The following GRID2IP variants were observed in gnomAD, a reference collection of about 807,000 sequenced individuals.
GRID2IP encodes the protein delphilin.
Under a neutral mutation model 114.3 loss-of-function variants are expected in GRID2IP, and 78 were observed. That is an observed-to-expected ratio of 0.68 (90% CI 0.57 to 0.82). The LOEUF is 0.82. Among genes scored for constraint, GRID2IP ranks in the 40% least tolerant of loss-of-function variants. The pLI, the probability that GRID2IP is intolerant of heterozygous loss-of-function variation, is 0.00. For missense variants in GRID2IP, 1,727 were observed against 1,678.5 expected, an observed-to-expected ratio of 1.03 and a Z score of -0.51; for synonymous variants, 809 against 724.0, an observed-to-expected ratio of 1.12 and a Z score of -1.89.
At chr7:6,543,953 C>G (rs578057182) in intron 1 of GRID2IP, among the ~76,000 whole-genome samples, 3 of 151,960 alleles carry the variant, frequency 2.0e-5, no homozygotes, top group African/African-American at 7.3e-5. Flanking sequence ...AATGCCACCA[C>G]GCCCGGCTCA....
In GRID2IP at chr7:6,507,240, CCAGT is replaced by C. The variant is rs1786620609; in HGVS notation, c.2544+741_2544+744del. On this transcript the variant is annotated intron_variant, in intron 13 of 21. Coordinates refer to ENST00000457091, the MANE Select transcript of GRID2IP (RefSeq NM_001145118.2). The surrounding 1 kb of genome is among the most constrained non-coding windows in gnomAD (Gnocchi z 5.3). ...GCCATATTAAAAGGAGTATGATGTC[CCAGT>C]CAAAGGAGCTGAGAACCCTGTTCTC... Among the ~76,000 whole-genome samples, 1 of 152,178 alleles carries C rather than the reference CCAGT, an allele frequency of 6.6e-6. No homozygotes were observed. Among genetic ancestry groups the C allele is most frequent in the Non-Finnish European group, 1.5e-5 (1 of 68,040 alleles).
rs1779735932 is a variant in GRID2IP at position 6,536,980 on chromosome 7, C to G, written c.584+2738G>C. On this transcript the variant is annotated intron_variant, in intron 2 of 21. Transcript: ENST00000457091. This position sits in a 1 kb window ranked among gnomAD's most constrained non-coding sequence, Gnocchi z 5.3. Reference sequence around the variant, plus strand: ...CATTGGCCAGGCCCAGAGGGAGGGGCAGGCTGCGGGGTGAATGGCAGCAAG... The same window carrying G: ...CATTGGCCAGGCCCAGAGGGAGGGGGAGGCTGCGGGGTGAATGGCAGCAAG... 1 of 312,374 alleles carries G rather than the reference C, an allele frequency of 3.2e-6. No individual in the cohort carries two copies. Among genetic ancestry groups the G allele is most frequent in the African/African-American group, 2.7e-5 (1 of 37,386 alleles). The allele number at this position is 312,374 out of a possible 1,614,324, so 19.4% of individuals were successfully genotyped here.
rs577459399 is a variant in GRID2IP at position 6,539,018 on chromosome 7, T to C, written c.584+700A>G. Among the ~76,000 whole-genome samples, 10 of 152,278 alleles carry C rather than the reference T, an allele frequency of 6.6e-5. No homozygotes were observed. The South Asian group carries it at 1.9e-3, about 28-fold the overall frequency. ...GCCCCACATGGCACAGTCCTGGGCT[T>C]CCCTGCCCTCACATTGTGCCATTAT... On this transcript the variant is annotated intron_variant, in intron 2 of 21. Transcript: ENST00000457091.
intron 1 of GRID2IP, among the ~76,000 whole-genome samples, chr7:6,542,306 CAA>C (rs56154707): frequency 3.3e-4 from 31 of 95,178 alleles, no homozygotes; most frequent in African/African-American, 9.5e-4. Context: ...AACTCCATCT[CAA>C]AAAAAAAAAA....
Position 6,536,718 on chromosome 7 carries a change from G to T in GRID2IP, c.584+3000C>A, listed in dbSNP as rs888400841. The T allele has an allele frequency of 5.8e-6, 4 of 688,142 alleles. No individual in the cohort carries two copies. The highest frequency in any genetic ancestry group is 5.3e-5 in the African/African-American group (3 of 56,788). 42.6% of individuals were successfully genotyped at this position (688,142 alleles called of 1,614,324 possible). ...GGCTGCCTGTCAATCAGCTCCCCAG[G>T]AAGCGCTCAGAGCCAGCGCATCATC... On this transcript the variant is annotated intron_variant, in intron 2 of 21. Transcript: ENST00000457091. This position sits in a 1 kb window ranked among gnomAD's most constrained non-coding sequence, Gnocchi z 5.3.
rs1359480319 is a variant in GRID2IP, at chr7:6,504,861, G to T, written c.2642C>A (p.Pro881Gln). The change falls in exon 15 of 22, where the codon CCG (proline) becomes CAG (glutamine). Residue 881 changes from proline (P) to glutamine (Q), a missense_variant. Coordinates refer to ENST00000457091, the MANE Select transcript of GRID2IP (RefSeq NM_001145118.2). ...CTTCTTCCGGAAGGGCTCCGGCCCC[G>T]GCACCGGTTCTGGAAAAGAAACTGA... ...FGTQKPAKPVPGPEPFRKKEV... is the reference protein window; with the variant it reads ...FGTQKPAKPVQGPEPFRKKEV... The T allele has an allele frequency of 1.9e-6, 3 of 1,551,268 alleles. No homozygotes were observed. Among genetic ancestry groups the T allele is most frequent in the East Asian group, 2.4e-5 (1 of 40,928 alleles).
chr7:6,547,931 C>T (rs1388112696), intron 1 of GRID2IP, among the ~76,000 whole-genome samples: 1 of 152,174 alleles, frequency 6.6e-6, no homozygotes, highest in African/African-American at 2.4e-5. Context: ...GCTCCCTGAC[C>T]TCCCAAACCC....
In GRID2IP at chr7:6,497,737, C is replaced by G. The variant is rs1335361248; in HGVS notation, c.*37G>C. ...TGGGCTGCCCTCTCGGCCTCCATCT[C>G]CCTGCTCAGGCCGCAGAGGACGCGG... is the stretch of plus-strand genomic sequence containing the variant. On this transcript the variant is annotated 3_prime_UTR_variant, in exon 22 of 22. Transcript: ENST00000457091. The G allele has an allele frequency of 2.0e-6, 3 of 1,505,714 alleles. No individual in the cohort carries two copies. The highest frequency in any genetic ancestry group is 2.7e-6 in the Non-Finnish European group (3 of 1,110,258). 93.3% of individuals were successfully genotyped at this position (1,505,714 alleles called of 1,614,324 possible). A position where few individuals can be genotyped will look rare whatever the true frequency, so the allele number is the denominator to read the frequency against.
At position 6,544,310 on chromosome 7, in the gene GRID2IP, ACT is replaced by A. The variant is rs1779853873; in HGVS notation, c.430-4440_430-4439del. On this transcript the variant is annotated intron_variant, in intron 1 of 21. Transcript: ENST00000457091. ...TCTGTTTTTTTTGAGATGGAGTGTC[ACT>A]CTTATTGCCCAGGCTGGAGTGCAAT... 4.7e-5 allele frequency among the ~76,000 whole-genome samples: 7 copies of A among 147,988 alleles called. No individual in the cohort carries two copies. In the South Asian group the frequency reaches 1.5e-3, roughly 32 times the overall value.
At chr7:6,522,577 C>T (rs1435967813) in intron 4 of GRID2IP, among the ~76,000 whole-genome samples, 2 of 152,004 alleles carry the variant, frequency 1.3e-5, no homozygotes, top group Admixed American at 6.6e-5. Flanking sequence ...GCCTCAACCT[C>T]CTAGGCTCAA....
rs1786663402 is a variant in GRID2IP at position 6,508,482 on chromosome 7, G to A, written c.2128-81C>T. ...GCAGGTGCAAAGTGAAGGATCATGGGATAGCCTGGGACAAGGACAGGGCCA... is the reference window on the plus strand; with the variant it reads ...GCAGGTGCAAAGTGAAGGATCATGGAATAGCCTGGGACAAGGACAGGGCCA... On this transcript the variant is annotated intron_variant, in intron 12 of 21. Transcript: ENST00000457091. This position sits in a 1 kb window ranked among gnomAD's most constrained non-coding sequence, Gnocchi z 5.6. 2 of 1,536,552 alleles carry A rather than the reference G, an allele frequency of 1.3e-6. No individual in the cohort carries two copies. Among genetic ancestry groups the A allele is most frequent in the Non-Finnish European group, 1.8e-6 (2 of 1,141,066 alleles).
rs1009988121 is a variant in GRID2IP, at chr7:6,534,732, G to C, written c.584+4986C>G. On this transcript the variant is annotated intron_variant, in intron 2 of 21. Transcript: ENST00000457091. The surrounding 1 kb of genome is among the most constrained non-coding windows in gnomAD (Gnocchi z 4.5). The stretch of plus-strand genomic sequence containing the variant: ...ATTTAACTTTTTTTTTTTTGGAACA[G>C]AGTCTGGCTCTGTCACCCAGGCTGG... Among the ~76,000 whole-genome samples, 1 of 151,368 alleles carries C rather than the reference G, an allele frequency of 6.6e-6. No individual in the cohort carries two copies. Among genetic ancestry groups the C allele is most frequent in the African/African-American group, 2.4e-5 (1 of 41,132 alleles).
chr7:6,513,708 G>A (rs1779228231), intron 8 of GRID2IP, among the ~76,000 whole-genome samples: 1 of 152,186 alleles, frequency 6.6e-6, no homozygotes, highest in Non-Finnish European at 1.5e-5. Context: ...GCCACGTGTG[G>A]GCCTAGCCCT....
At chr7:6,524,716 T>C (rs1779475916) in intron 4 of GRID2IP, among the ~76,000 whole-genome samples, 1 of 151,122 alleles carries the variant, frequency 6.6e-6, no homozygotes, top group African/African-American at 2.4e-5. Flanking sequence ...GGAGACCTCA[T>C]CTCTCGTTTG....
rs1439565614 is a variant in GRID2IP at position 6,551,286 on chromosome 7, C to G, written c.151G>C (p.Glu51Gln). The change falls in exon 1 of 22, where the codon GAG becomes CAG. Residue 51 changes from glutamate to glutamine, a missense_variant. By Grantham distance (29) the Glu-to-Gln change is conservative (BLOSUM62 2). Transcript: ENST00000457091. ...GGLRPGDQIL[E>Q]VEGLAVGGLS... is the part of the protein sequence containing the mutation. ...CCGCCCACCGCCAGCCCCTCCACCT[C>G]CAGGATCTGGTCTCCTGGCCGCAGT... 2.4e-5 allele frequency: 37 copies of G among 1,541,146 alleles called. No homozygotes were observed. The highest frequency in any genetic ancestry group is 3.1e-5 in the Non-Finnish European group (35 of 1,146,448).
chr7:6,525,527 G>T (rs1357882223), intron 4 of GRID2IP, among the ~76,000 whole-genome samples: 1 of 152,020 alleles, frequency 6.6e-6, no homozygotes, highest in African/African-American at 2.4e-5. Flanking sequence ...GGAGGCTGAG[G>T]AGGCTCTGGA....
rs1008335522 is a variant in GRID2IP, at chr7:6,528,308, C to G, written c.585-1539G>C. Among the ~76,000 whole-genome samples, 1 of 152,218 alleles carries G rather than the reference C, an allele frequency of 6.6e-6. No individual in the cohort carries two copies. Among genetic ancestry groups the G allele is most frequent in the Non-Finnish European group, 1.5e-5 (1 of 68,040 alleles). The stretch of plus-strand genomic sequence containing the variant: ...AACAGGAGATCCACCAGCAGCCTAA[C>G]CCCATCTCTGAGTAATGGCAGCAGT... On this transcript the variant is annotated intron_variant, in intron 2 of 21. Transcript: ENST00000457091. The surrounding 1 kb of genome is among the most constrained non-coding windows in gnomAD (Gnocchi z 6.0).
chr7:6,503,973 G>C (rs1176349042), intron 15 of GRID2IP, among the ~76,000 whole-genome samples: 1 of 150,644 alleles, frequency 6.6e-6, no homozygotes, highest in Admixed American at 6.6e-5. Flanking sequence ...GGCCGGGAGA[G>C]GGTGGGGCCT....
chr7:6,550,976 T>TGACCC, intron 1 of GRID2IP, 32 bp downstream of exon 1: 1 of 1,015,784 alleles, frequency 9.8e-7, no homozygotes, highest in Non-Finnish European at 1.2e-6. Flanking sequence ...GCCCCCTCCT[T>TGACCC]CCCGCCCCCA....
Sources: gnomAD v4.1 joint callset for allele counts (sites outside exome capture counted in the v4.1 genomes callset) on GRCh38, gnomAD v4.1.1 for gene constraint, Gnocchi (gnomAD v3.1) non-coding constraint, MANE v1.5 for transcripts, NCBI Gene and HGNC (gene_info 2026-07-23, HGNC 2026-07-21) for gene names.